Variants in PTPRG observed in about 807,000 individuals in gnomAD.
PTPRG encodes protein tyrosine phosphatase receptor type G.
A neutral mutation model predicts 165.3 loss-of-function variants in PTPRG; 102 were observed. The ratio of observed to expected loss-of-function variants is 0.62; its 90% CI spans 0.53 to 0.73. The LOEUF (loss-of-function observed/expected upper bound fraction) is 0.73, where lower values mean the gene tolerates loss of function less well. Among genes scored for constraint, PTPRG ranks in the 30% least tolerant of loss-of-function variants. The pLI, the probability that PTPRG is intolerant of heterozygous loss-of-function variation, is 0.00. For synonymous variants in PTPRG, 675 were observed against 669.5 expected (o/e 1.01, Z -0.13); for missense variants, 1,866 against 1,861.4 (o/e 1.00, Z -0.05).
At position 62,293,847 on chromosome 3, in the gene PTPRG, G is replaced by C. The variant is rs1160234255; in HGVS notation, c.*540G>C. 2.0e-5 allele frequency: 3 copies of C among 152,516 alleles called. No homozygotes were observed. 9.4% of individuals were successfully genotyped at this position (152,516 alleles called of 1,614,324 possible). ...AGGCTACTGGGACCTAAAAAGGTCT[G>C]TTAATGTCATGGCCTTGAAACAGTT... On this transcript the variant is annotated 3_prime_UTR_variant, in exon 30 of 30. Coordinates refer to ENST00000474889, the MANE Select transcript of PTPRG (RefSeq NM_002841.4).
At chr3:62,134,741 A>G (rs1023397920) in intron 6 of PTPRG, among the ~76,000 whole-genome samples, 1 of 152,242 alleles carries the variant, frequency 6.6e-6, no homozygotes, top group Non-Finnish European at 1.5e-5. Context: ...GCAGAAAACC[A>G]TGTTGATGTG....
intron 4 of PTPRG, among the ~76,000 whole-genome samples, chr3:62,039,459 G>A (rs181542814): frequency 2.1e-4 from 32 of 152,222 alleles, no homozygotes; most frequent in South Asian, 8.3e-4. Flanking sequence ...AACAAGATGA[G>A]TAATTACTAC....
At chr3:61,703,996 A>T (rs1184124795) in intron 1 of PTPRG, among the ~76,000 whole-genome samples, 1 of 152,210 alleles carries the variant, frequency 6.6e-6, no homozygotes, top group Admixed American at 6.5e-5. Flanking sequence ...CACTCTGGGC[A>T]GCCTTGTGCT....
intron 4 of PTPRG, among the ~76,000 whole-genome samples, chr3:62,051,130 G>T (rs145774701): frequency 3.1e-4 from 47 of 152,288 alleles, no homozygotes; most frequent in Admixed American, 1.0e-3. Context: ...AGGTTTCCTG[G>T]TCTACCTCAT....
intron 2 of PTPRG, among the ~76,000 whole-genome samples, chr3:61,942,033 A>T (rs1380753745): frequency 2.6e-5 from 4 of 151,846 alleles, no homozygotes; most frequent in African/African-American, 7.3e-5. Context: ...GGTGGCAGGC[A>T]TCATAATCCC....
At chr3:62,267,001 C>G (rs1237275407) in intron 17 of PTPRG, among the ~76,000 whole-genome samples, 1 of 151,728 alleles carries the variant, frequency 6.6e-6, no homozygotes, top group Non-Finnish European at 1.5e-5. Flanking sequence ...AGTGAATTAG[C>G]AATGGAATTG....
At chr3:61,670,750 C>G (rs893953724) in intron 1 of PTPRG, among the ~76,000 whole-genome samples, 3 of 152,136 alleles carry the variant, frequency 2.0e-5, no homozygotes, top group African/African-American at 4.8e-5. Context: ...TTTCACAACA[C>G]GGGGAATTTG....
chr3:62,187,506 C>T (rs1338810068), intron 8 of PTPRG, among the ~76,000 whole-genome samples: 1 of 152,160 alleles, frequency 6.6e-6, no homozygotes, highest in Non-Finnish European at 1.5e-5. Context: ...AACTTGTGTC[C>T]ATAGATATTT....
chr3:61,682,032 C>T (rs1170296328), intron 1 of PTPRG, among the ~76,000 whole-genome samples: 1 of 151,470 alleles, frequency 6.6e-6, no homozygotes, highest in Non-Finnish European at 1.5e-5. Context: ...ACCTGTAATC[C>T]CAACTATATG....
chr3:61,760,364 TC>T (rs1240705500), intron 2 of PTPRG, among the ~76,000 whole-genome samples: 1 of 152,164 alleles, frequency 6.6e-6, no homozygotes, highest in African/African-American at 2.4e-5. Flanking sequence ...TCCCTTTTGT[TC>T]CCCCTTTCTC....
chr3:62,091,666 T>C (rs1701935244), intron 5 of PTPRG, among the ~76,000 whole-genome samples: 1 of 152,174 alleles, frequency 6.6e-6, no homozygotes, highest in Non-Finnish European at 1.5e-5. Flanking sequence ...GCTTCCTTAT[T>C]AGTGTCTACT....
intron 1 of PTPRG, among the ~76,000 whole-genome samples, chr3:61,622,865 C>G (rs1206602109): frequency 6.6e-6 from 1 of 151,944 alleles, no homozygotes; most frequent in Admixed American, 6.5e-5. Flanking sequence ...CTTTTTTTCC[C>G]AAATTGTCTT....
At chr3:62,123,390 T>C (rs931395516) in intron 5 of PTPRG, among the ~76,000 whole-genome samples, 1 of 152,202 alleles carries the variant, frequency 6.6e-6, no homozygotes, top group African/African-American at 2.4e-5. Flanking sequence ...GGACTATAGA[T>C]GTGCACCACC....
intron 5 of PTPRG, among the ~76,000 whole-genome samples, chr3:62,080,744 A>G (rs1701543114): frequency 6.6e-6 from 1 of 152,228 alleles, no homozygotes; most frequent in Admixed American, 6.5e-5. Flanking sequence ...TGTTAAATAT[A>G]AGACCAATTA....
chr3:62,015,205 G>C (rs2041512724), intron 4 of PTPRG, among the ~76,000 whole-genome samples: 1 of 152,336 alleles, frequency 6.6e-6, no homozygotes, highest in African/African-American at 2.4e-5. Flanking sequence ...GTGGAGGGCA[G>C]AGTGTCCTGG....
chr3:61,775,690 AT>A (rs1484829543), intron 2 of PTPRG, among the ~76,000 whole-genome samples: 3 of 152,116 alleles, frequency 2.0e-5, no homozygotes, highest in African/African-American at 7.2e-5. Flanking sequence ...ATGTCCAACA[AT>A]GATAGACTGG....
chr3:61,897,031 T>C (rs1002141850), intron 2 of PTPRG, among the ~76,000 whole-genome samples: 22 of 152,092 alleles, frequency 1.4e-4, no homozygotes, highest in Non-Finnish European at 2.8e-4. Context: ...ACTTGTGTGT[T>C]TATCCTGTGT....
At chr3:61,737,557 G>C (rs547471492) in intron 1 of PTPRG, among the ~76,000 whole-genome samples, 1 of 152,292 alleles carries the variant, frequency 6.6e-6, no homozygotes, top group East Asian at 1.9e-4. Context: ...ATGGCGATGG[G>C]CTATTGAGTG....
intron 1 of PTPRG, among the ~76,000 whole-genome samples, chr3:61,720,256 T>C (rs1488359718): frequency 3.3e-5 from 5 of 152,028 alleles, no homozygotes; most frequent in Non-Finnish European, 5.9e-5. Flanking sequence ...CCCGAGTAGC[T>C]GGGATTACAG....
Sources: gnomAD v4.1 joint callset for allele counts (sites outside exome capture counted in the v4.1 genomes callset) on GRCh38, gnomAD v4.1.1 for gene constraint, MANE v1.5 for transcripts, NCBI Gene and HGNC (gene_info 2026-07-23, HGNC 2026-07-21) for gene names.